OSER1: variants seen among roughly 807,000 people sequenced by gnomAD.
OSER1 encodes the protein oxidative stress-responsive serine-rich protein 1.
Under a neutral mutation model 26.3 loss-of-function variants are expected in OSER1, and 15 were observed. The ratio of observed to expected loss-of-function variants is 0.57; its 90% CI spans 0.38 to 0.88. The LOEUF is 0.88. OSER1 is among the 40% of genes least tolerant of loss of function. OSER1 has a pLI of 0.00. For synonymous variants in OSER1, 127 were observed against 128.2 expected (o/e 0.99, Z 0.07); for missense variants, 313 against 353.9 (o/e 0.88, Z 0.93).
At chr20:44,201,812 G>A (rs2072984992) in intron 3 of OSER1, among the ~76,000 whole-genome samples, 1 of 151,856 alleles carries the variant, frequency 6.6e-6, no homozygotes, top group Non-Finnish European at 1.5e-5. Flanking sequence ...TAGAGGAAAA[G>A]AACAAACAAA....
chr20:44,207,026 T>A lies in OSER1; in HGVS notation c.-41-28A>T. 3 of 1,121,972 alleles carry A rather than the reference T, an allele frequency of 2.7e-6. No homozygotes were observed. In the South Asian group the frequency reaches 4.0e-5, roughly 15 times the overall value. The allele number at this position is 1,121,972 out of a possible 1,614,324, so 69.5% of individuals were successfully genotyped here. A position where few individuals can be genotyped will look rare whatever the true frequency, so the allele number is the denominator to read the frequency against. On this transcript the variant is annotated intron_variant, in intron 1 of 3. Transcript: ENST00000255174. ...AAAAAAGAAAATAAAGTGAGCAAAG[T>A]AAAAACAGGTGGGATCAAAAGTATA...
At chr20:44,211,083 T>G (rs1314641542), upstream of OSER1, 2 of 152,290 alleles carry the variant, frequency 1.3e-5, no homozygotes. Flanking sequence ...GTTAGGTGAG[T>G]GAGTAGGCGT....
chr20:44,203,168 AT>A (rs555859885), intron 2 of OSER1, 94 bp from the exon 3 acceptor site: 142 of 589,282 alleles, frequency 2.4e-4, no homozygotes, highest in Middle Eastern at 8.3e-4. Context: ...TTATCAATAC[AT>A]TTTTTTTTCT....
At position 44,203,754 on chromosome 20, in the gene OSER1, G is replaced by T. The variant is rs1277303944; in HGVS notation, c.78-680C>A. Among the ~76,000 whole-genome samples the T allele has an allele frequency of 2.0e-5, 3 of 150,320 alleles. No individual in the cohort carries two copies. The South Asian group carries it at 6.3e-4, about 31-fold the overall frequency. ...CACCCCTCCTACTATACATGCTATG[G>T]TGTTGACAAAAATTCTTTAGAAAGC... On this transcript the variant is annotated intron_variant, in intron 2 of 3. Coordinates refer to ENST00000255174, the MANE Select transcript of OSER1 (RefSeq NM_016470.8).
At chr20:44,203,745 C>T (rs186793659) in intron 2 of OSER1, among the ~76,000 whole-genome samples, 90 of 150,682 alleles carry the variant, frequency 6.0e-4, no homozygotes, top group East Asian at 9.7e-4. Context: ...TCCTACTATA[C>T]ATGCTATGGT....
At chr20:44,202,226 A>G (rs1445201698) in intron 3 of OSER1, among the ~76,000 whole-genome samples, 1 of 152,028 alleles carries the variant, frequency 6.6e-6, no homozygotes, top group Non-Finnish European at 1.5e-5. Context: ...AAATACTAAA[A>G]TTACCCGGGC....
chr20:44,197,332 A>G lies in OSER1; in HGVS notation c.599T>C (p.Ile200Thr). The stretch of plus-strand genomic sequence containing the variant: ...TCTCTTACACTGGCATTCCTTGCCT[A>G]TGCATGTGCATGGCTTGCCCTGGTT... ...KLNQGKPCTC[I>T]GKECQCKRWH... Residue 200 changes from isoleucine (I) to threonine (T), a missense_variant, in exon 4 of 4, where the codon ATA becomes ACA. By Grantham distance (89) the Ile-to-Thr change is moderately conservative. This residue lies in a region of OSER1 where 300 missense variants were observed against 318.3 expected (regional missense o/e 0.94). Coordinates refer to ENST00000255174, the MANE Select transcript of OSER1 (RefSeq NM_016470.8). The G allele has an allele frequency of 1.2e-6, 2 of 1,614,180 alleles. No individual in the cohort carries two copies. Among genetic ancestry groups the G allele is most frequent in the Non-Finnish European group, 1.7e-6 (2 of 1,179,968 alleles).
At chr20:44,210,494 G>A (rs2073092452) in intron 1 of OSER1, among the ~76,000 whole-genome samples, 1 of 152,178 alleles carries the variant, frequency 6.6e-6, no homozygotes, top group Non-Finnish European at 1.5e-5. Context: ...AGGGGAGAGA[G>A]CGTGGAGCTC....
intron 1 of OSER1, 23 bp from the exon 2 acceptor site, chr20:44,207,021 C>A: frequency 1.6e-6 from 2 of 1,220,014 alleles, no homozygotes; most frequent in Non-Finnish European, 2.4e-6. Flanking sequence ...ATAAAGTGAG[C>A]AAAGTAAAAA....
At chr20:44,205,742 C>G (rs1397996150) in intron 2 of OSER1, among the ~76,000 whole-genome samples, 1 of 151,946 alleles carries the variant, frequency 6.6e-6, no homozygotes, top group African/African-American at 2.4e-5. Context: ...AGATCAAGAC[C>G]ATCCTGGCTA....
chr20:44,203,310 C>A lies in OSER1; in HGVS notation c.78-236G>T, dbSNP rs182156066. 2.8e-4 allele frequency among the ~76,000 whole-genome samples: 42 copies of A among 152,246 alleles called. No individual in the cohort carries two copies. The East Asian group carries it at 7.7e-3, about 28-fold the overall frequency. ...AATGACTGGTAAGTGTACCCAGCAGCAGGATATAAATAGACTTTCAGGCTG... is the reference window on the plus strand; with the variant it reads ...AATGACTGGTAAGTGTACCCAGCAGAAGGATATAAATAGACTTTCAGGCTG... On this transcript the variant is annotated intron_variant, in intron 2 of 3. Transcript: ENST00000255174.
chr20:44,206,491 C>T (rs1256073145), intron 2 of OSER1, among the ~76,000 whole-genome samples: 1 of 152,186 alleles, frequency 6.6e-6, no homozygotes, highest in African/African-American at 2.4e-5. Flanking sequence ...ATGAAATCTA[C>T]AATGTCTTCA....
chr20:44,208,305 G>A (rs1419996093), intron 1 of OSER1, among the ~76,000 whole-genome samples: 1 of 151,544 alleles, frequency 6.6e-6, no homozygotes, highest in Non-Finnish European at 1.5e-5. Context: ...TAGTACCAGC[G>A]CAAAATAAAG....
At position 44,197,168 on chromosome 20, in the gene OSER1, C is replaced by T. The variant is rs1367387588; in HGVS notation, c.763G>A (p.Glu255Lys). The change falls in exon 4 of 4, where the codon GAG (glutamate) becomes AAG (lysine). Residue 255 changes from glutamate (E) to lysine (K), a missense_variant. Around this residue, in one of 2 missense-constraint regions of OSER1, gnomAD observed 300 missense variants for 318.3 expected, o/e 0.94. Transcript: ENST00000255174. Reference protein sequence around the residue: ...TLSGSPRSCSEQARVFVDDVT... With the variant: ...TLSGSPRSCSKQARVFVDDVT... ...TCATCCACGAAGACTCGAGCTTGCT[C>T]AGAACAGGATCGGGGAGAGCCAGAC... 2.5e-6 allele frequency: 4 copies of T among 1,614,054 alleles called. No individual in the cohort carries two copies. In the African/African-American group the frequency reaches 5.3e-5, roughly 22 times the overall value.
intron 1 of OSER1, 23 bp downstream of exon 1, chr20:44,210,673 C>A (rs2073096222): frequency 6.6e-6 from 1 of 152,366 alleles, no homozygotes; most frequent in South Asian, 2.1e-4. Context: ...TGCGGCCCCT[C>A]CCCGTCACGT....
intron 1 of OSER1, among the ~76,000 whole-genome samples, chr20:44,208,393 T>C (rs934897537): frequency 7.1e-6 from 1 of 141,776 alleles, no homozygotes; most frequent in African/African-American, 2.8e-5. Flanking sequence ...TGGGGAACAC[T>C]GAAAACAGTC....
rs1166734052 is a variant in OSER1 at position 44,207,007 on chromosome 20, GAAAAT to G, written c.-41-14_-41-10del. On this transcript the variant is annotated splice_polypyrimidine_tract_variant and intron_variant, in intron 1 of 3. Coordinates refer to ENST00000255174, the MANE Select transcript of OSER1 (RefSeq NM_016470.8). ...CGATGTTCCTGTTTACACTAAAAAA[GAAAAT>G]AAAGTGAGCAAAGTAAAAACAGGTG... is the stretch of plus-strand genomic sequence containing the variant. 8.0e-6 allele frequency: 11 copies of G among 1,370,800 alleles called. No individual in the cohort carries two copies. The highest frequency in any genetic ancestry group is 3.6e-4 in the Middle Eastern group (2 of 5,580). The allele number at this position is 1,370,800 out of a possible 1,614,324, so 84.9% of individuals were successfully genotyped here.
rs140500120 is a variant in OSER1 at position 44,198,386 on chromosome 20, G to A, written c.192-647C>T. ...TGTAATCCCAGCACTTTGGGAGGCC[G>A]AGGCAGGTGGATCACGAGGTCAGGA... is the stretch of plus-strand genomic sequence containing the variant. On this transcript the variant is annotated intron_variant, in intron 3 of 3. Coordinates refer to ENST00000255174, the MANE Select transcript of OSER1 (RefSeq NM_016470.8). Among the ~76,000 whole-genome samples, 19 of 152,232 alleles carry A rather than the reference G, an allele frequency of 1.2e-4. No homozygotes were observed. In the East Asian group the frequency reaches 1.7e-3, roughly 14 times the overall value.
intron 1 of OSER1, among the ~76,000 whole-genome samples, chr20:44,207,907 G>A (rs959755325): frequency 2.0e-5 from 3 of 152,166 alleles, no homozygotes; most frequent in Admixed American, 1.3e-4. Flanking sequence ...AGAGAAGTCT[G>A]TTAATAAACC....
Sources: allele counts gnomAD v4.1 joint callset (sites outside exome capture counted in the v4.1 genomes callset), GRCh38; gene constraint gnomAD v4.1.1; regional missense constraint gnomAD v4.1.1; transcripts MANE v1.5; gene names NCBI Gene and HGNC (gene_info 2026-07-23, HGNC 2026-07-21).